The following WDR93 variants were observed in gnomAD, a reference collection of about 807,000 sequenced individuals.
The protein encoded by WDR93 is WD repeat-containing protein 93.
Under a neutral mutation model 82.9 loss-of-function variants are expected in WDR93, and 73 were observed. The ratio of observed to expected loss-of-function variants is 0.88; its 90% confidence interval spans 0.73 to 1.07. The LOEUF is 1.07. WDR93 is among the 50% of genes least tolerant of loss of function. WDR93 has a pLI of 0.00. For synonymous variants in WDR93, 283 were observed against 300.1 expected (o/e 0.94, Z 0.59); for missense variants, 738 against 826.0 (o/e 0.89, Z 1.31).
At chr15:89,735,687 C>T (rs1212681354) in intron 14 of WDR93, 134 bp downstream of exon 14, 4 of 885,640 alleles carry the variant, frequency 4.5e-6, no homozygotes, top group Non-Finnish European at 7.0e-6. Flanking sequence ...TTCGGGTTTA[C>T]AAATAGAAAG....
intron 11 of WDR93, among the ~76,000 whole-genome samples, 179 bp from the exon 12 acceptor site, chr15:89,731,264 C>T (rs1169256116): frequency 6.6e-6 from 1 of 152,200 alleles, no homozygotes; most frequent in Admixed American, 6.5e-5. Context: ...ATTATCTTAT[C>T]ATCCTAGGCA....
At chr15:89,712,850 C>G (rs1188371292) in intron 5 of WDR93, among the ~76,000 whole-genome samples, 5 of 152,128 alleles carry the variant, frequency 3.3e-5, no homozygotes, top group African/African-American at 1.2e-4. Flanking sequence ...CCTGGCCAGG[C>G]GCGGTGGCTC....
At chr15:89,722,503 C>T (rs972588274) in intron 8 of WDR93, among the ~76,000 whole-genome samples, 2 of 152,106 alleles carry the variant, frequency 1.3e-5, no homozygotes, top group East Asian at 3.8e-4. Context: ...TTGCTGAATG[C>T]CCATAATGCA....
At chr15:89,728,388 G>A (rs760574410) in intron 9 of WDR93, among the ~76,000 whole-genome samples, 9 of 152,212 alleles carry the variant, frequency 5.9e-5, no homozygotes, top group South Asian at 2.1e-4. Context: ...GAAATCTCTC[G>A]TGCTGTCAAG....
intron 16 of WDR93, among the ~76,000 whole-genome samples, chr15:89,742,239 T>TA (rs973075181): frequency 6.6e-6 from 1 of 150,728 alleles, no homozygotes; most frequent in Non-Finnish European, 1.5e-5. Context: ...CATCTATAAA[T>TA]AAAAAATTAA....
intron 10 of WDR93, 81 bp downstream of exon 10, chr15:89,729,174 TC>T: frequency 7.5e-7 from 1 of 1,337,310 alleles, no homozygotes. Flanking sequence ...ACAGAGATGT[TC>T]CCCAACAAAC....
intron 2 of WDR93, among the ~76,000 whole-genome samples, chr15:89,702,318 C>G (rs1965509371): frequency 6.6e-6 from 1 of 152,166 alleles, no homozygotes; most frequent in African/African-American, 2.4e-5. Context: ...TACTCTCTTG[C>G]TGGATGGCTG....
At position 89,716,927 on chromosome 15, in the gene WDR93, T is replaced by C; in HGVS notation, c.773T>C (p.Ile258Thr). 2 of 1,564,074 alleles carry C rather than the reference T, an allele frequency of 1.3e-6. No homozygotes were observed. Among genetic ancestry groups the C allele is most frequent in the Non-Finnish European group, 1.7e-6 (2 of 1,154,846 alleles). ...RQPQLNSLGPISADPLEMDAN... is the reference protein window; with the variant it reads ...RQPQLNSLGPTSADPLEMDAN... ...TCTTCTCAGAACTCCCTTGGTCCCA[T>C]TTCTGCAGATCCTTTAGAAATGGTA... Residue 258 changes from isoleucine to threonine, a missense_variant, in exon 7 of 17, where the codon ATT becomes ACT. Coordinates refer to ENST00000268130, the MANE Select transcript of WDR93 (RefSeq NM_020212.2).
intron 8 of WDR93, among the ~76,000 whole-genome samples, chr15:89,723,338 A>G (rs1966603570): frequency 6.6e-6 from 1 of 151,770 alleles, no homozygotes; most frequent in African/African-American, 2.4e-5. Flanking sequence ...GCACTTTGAG[A>G]GGCCAAAGGA....
chr15:89,703,160 C>A lies in WDR93; in HGVS notation c.496+18C>A, dbSNP rs775063997. On this transcript the variant is annotated intron_variant, in intron 3 of 16. Transcript: ENST00000268130. Reference sequence around the variant, plus strand: ...TGAAATGGGTATTGTTCTTCATCTTCCTTTTTAGCCTCATTTACAGGTACC... The same window carrying A: ...TGAAATGGGTATTGTTCTTCATCTTACTTTTTAGCCTCATTTACAGGTACC... The A allele has an allele frequency of 6.2e-7, 1 of 1,613,758 alleles. No individual in the cohort carries two copies. Among genetic ancestry groups the A allele is most frequent in the East Asian group, 2.2e-5 (1 of 44,876 alleles).
At chr15:89,693,446 A>C (rs566289101) in intron 1 of WDR93, among the ~76,000 whole-genome samples, 1 of 152,210 alleles carries the variant, frequency 6.6e-6, no homozygotes, top group African/African-American at 2.4e-5. Context: ...ATATGTTTTC[A>C]GTTCCCTTCT....
At chr15:89,703,226 TG>T in intron 3 of WDR93, 84 bp downstream of exon 3, 1 of 1,482,816 alleles carries the variant, frequency 6.7e-7, no homozygotes, top group East Asian at 2.3e-5. Flanking sequence ...GAGGTATTGG[TG>T]GGGCCAGGCA....
In WDR93 at chr15:89,722,170, C is replaced by T. The variant is rs1019709340; in HGVS notation, c.880+31C>T. On this transcript the variant is annotated intron_variant, in intron 8 of 16. Coordinates refer to ENST00000268130, the MANE Select transcript of WDR93 (RefSeq NM_020212.2). ...TGTGATTCAAATCTCTCTCCTTTTG[C>T]CATTGATTTATCTGTTCTTTCTTCC... 3 of 1,453,952 alleles carry T rather than the reference C, an allele frequency of 2.1e-6. No individual in the cohort carries two copies. The African/African-American group carries it at 4.3e-5, about 21-fold the overall frequency. 90.1% of individuals were successfully genotyped at this position (1,453,952 alleles called of 1,614,324 possible).
intron 7 of WDR93, among the ~76,000 whole-genome samples, chr15:89,720,123 G>A (rs114662805): frequency 0.023 from 3,426 of 152,124 alleles, 140 homozygotes; most frequent in African/African-American, 0.079. Flanking sequence ...TAAGGTAGAA[G>A]CTCAAATCAT....
At position 89,743,620 on chromosome 15, in the gene WDR93, C is replaced by T. The variant is rs1348318197; in HGVS notation, c.*229C>T. 3.5e-6 allele frequency: 2 copies of T among 563,406 alleles called. No homozygotes were observed. Among genetic ancestry groups the T allele is most frequent in the African/African-American group, 1.9e-5 (1 of 53,148 alleles). 34.9% of individuals were successfully genotyped at this position (563,406 alleles called of 1,614,324 possible). ...CAGGCAGATGTGTCACCCAAATAAA[C>T]AGTGATATTGTCTCCAGACTCCCAA... is the stretch of plus-strand genomic sequence containing the variant. On this transcript the variant is annotated 3_prime_UTR_variant, in exon 17 of 17. Transcript: ENST00000268130.
At chr15:89,694,882 A>AT (rs1965088893) in intron 1 of WDR93, among the ~76,000 whole-genome samples, 1 of 152,048 alleles carries the variant, frequency 6.6e-6, no homozygotes, top group Non-Finnish European at 1.5e-5. Context: ...ATCGGCATTC[A>AT]TTTTTTTCCT....
At chr15:89,705,805 T>C (rs1965702341) in intron 4 of WDR93, among the ~76,000 whole-genome samples, 187 bp downstream of exon 4, 1 of 152,220 alleles carries the variant, frequency 6.6e-6, no homozygotes, top group African/African-American at 2.4e-5. Flanking sequence ...CTGAATTCCT[T>C]GGATTTAGTT....
chr15:89,697,835 A>G (rs1424823016), intron 1 of WDR93, among the ~76,000 whole-genome samples: 1 of 150,818 alleles, frequency 6.6e-6, no homozygotes, highest in Admixed American at 6.6e-5. Context: ...GTGCATAAAC[A>G]TTTAGGACTT....
At chr15:89,703,202 T>C in intron 3 of WDR93, 60 bp downstream of exon 3, 1 of 1,583,906 alleles carries the variant, frequency 6.3e-7, no homozygotes, top group Non-Finnish European at 8.7e-7. Flanking sequence ...CTGTTGTCAA[T>C]TTAATCTCCT....
Sources: gnomAD v4.1 joint callset for allele counts (sites outside exome capture counted in the v4.1 genomes callset) on GRCh38, gnomAD v4.1.1 for gene constraint, MANE v1.5 for transcripts, NCBI Gene and HGNC (gene_info 2026-07-23, HGNC 2026-07-21) for gene names.